FRMPD4: variants seen among roughly 807,000 people sequenced by gnomAD.
FRMPD4 encodes FERM and PDZ domain-containing protein 4.
In FRMPD4, 22 loss-of-function variants were observed where a neutral mutation model predicts 94.1. The observed-to-expected ratio is 0.23, with a 90% CI of 0.17 to 0.33. FRMPD4 has a LOEUF of 0.33. FRMPD4 is among the 10% of genes least tolerant of loss of function. The pLI, the probability that FRMPD4 is intolerant of heterozygous loss-of-function variation, is 1.00. For missense variants in FRMPD4, 1,111 were observed against 1,339.9 expected (o/e 0.83, Z 2.67); for synonymous variants, 631 against 548.6 (o/e 1.15, Z -2.10).
rs188797160 is a variant in FRMPD4, at chrX:12,402,257, C to A, written c.42-96423C>A. On this transcript the variant is annotated intron_variant, in intron 1 of 16. Transcript: ENST00000675598. ...TTATAACCTTCTGCGCCACCCCCCC[C>A]ACAAAAGCAGACAGAGTGATCAGGG... Among the ~76,000 whole-genome samples, 39 of 110,968 alleles carry A rather than the reference C, an allele frequency of 3.5e-4. No homozygotes were observed. The East Asian group carries it at 4.2e-3, about 12-fold the overall frequency.
intron 4 of FRMPD4, among the ~76,000 whole-genome samples, chrX:12,640,767 C>G (rs1213199978): frequency 8.9e-6 from 1 of 112,142 alleles, no homozygotes; most frequent in Admixed American, 9.5e-5. Context: ...CTTTCCCTAC[C>G]CTTTCTAGTT....
chrX:12,184,484 C>T (rs759095982), intron 1 of FRMPD4, among the ~76,000 whole-genome samples: 42 of 111,858 alleles, frequency 3.8e-4, no homozygotes, highest in Non-Finnish European at 6.8e-4. Flanking sequence ...CCACTAAGAA[C>T]GATAAAAAAT....
intron 1 of FRMPD4, among the ~76,000 whole-genome samples, chrX:12,251,911 C>T (rs1292340267): frequency 8.9e-6 from 1 of 112,138 alleles, no homozygotes; most frequent in African/African-American, 3.2e-5. Flanking sequence ...CCACTCTGAG[C>T]TTCATTTTCC....
chrX:12,635,767 G>T (rs755100759), intron 4 of FRMPD4, among the ~76,000 whole-genome samples: 1 of 111,829 alleles, frequency 8.9e-6, no homozygotes, highest in Non-Finnish European at 1.9e-5. Context: ...GGAAACAACT[G>T]CCACTACAGC....
chrX:11,889,769 G>A (rs992475136), intron 3 of FRMPD4, among the ~76,000 whole-genome samples: 11 of 112,446 alleles, frequency 9.8e-5, no homozygotes, highest in Non-Finnish European at 2.1e-4. Context: ...TGGAATGTCC[G>A]AGAGGACTAT....
At chrX:12,207,248 A>G (rs2056703536) in intron 1 of FRMPD4, among the ~76,000 whole-genome samples, 1 of 112,028 alleles carries the variant, frequency 8.9e-6, no homozygotes, top group African/African-American at 3.2e-5. Flanking sequence ...AAAATGCCTC[A>G]CAATTTTTTT....
chrX:12,351,640 A>T (rs2055815028), intron 1 of FRMPD4, among the ~76,000 whole-genome samples: 1 of 112,756 alleles, frequency 8.9e-6, no homozygotes, highest in Non-Finnish European at 1.9e-5. Context: ...AGCTCAAGTG[A>T]AGCCTGTCAT....
intron 1 of FRMPD4, among the ~76,000 whole-genome samples, chrX:12,414,928 A>G (rs1036461285): frequency 3.4e-4 from 38 of 111,848 alleles, no homozygotes; most frequent in Admixed American, 2.7e-3. Flanking sequence ...TGAAAGCTTC[A>G]ATACTAAGTG....
intron 2 of FRMPD4, among the ~76,000 whole-genome samples, chrX:12,544,462 C>T (rs183489104): frequency 9.0e-6 from 1 of 111,310 alleles, no homozygotes; most frequent in Non-Finnish European, 1.9e-5. Context: ...CAGGAAACAT[C>T]GATACAATGT....
intron 3 of FRMPD4, among the ~76,000 whole-genome samples, chrX:12,085,989 A>G (rs2055106198): frequency 1.8e-5 from 2 of 112,366 alleles, no homozygotes; most frequent in African/African-American, 6.5e-5. Context: ...CCTATTATAT[A>G]ATAATGATTG....
At chrX:11,863,821 T>G (rs2053702660) in intron 1 of FRMPD4, among the ~76,000 whole-genome samples, 1 of 112,365 alleles carries the variant, frequency 8.9e-6, no homozygotes, top group Non-Finnish European at 1.9e-5. Context: ...CAATACATTT[T>G]ATCTGGAATT....
At chrX:12,528,319 G>GTTTTTTTTTTTTTTTT (rs62720861) in intron 2 of FRMPD4, among the ~76,000 whole-genome samples, 8 of 73,839 alleles carry the variant, frequency 1.1e-4, no homozygotes, top group Non-Finnish European at 1.7e-4. Context: ...TTTTGTTTTT[G>GTTTTTTTTTTTTTTTT]TTTTTTTTTT....
chrX:12,532,664 A>T (rs2058297409), intron 2 of FRMPD4, among the ~76,000 whole-genome samples: 1 of 112,170 alleles, frequency 8.9e-6, no homozygotes. Flanking sequence ...TTAGTGAAGG[A>T]GTACATCTAT....
At position 12,184,646 on chromosome X, in the gene FRMPD4, A is replaced by G. The variant is rs1244604645; in HGVS notation, c.41+45634A>G. On this transcript the variant is annotated intron_variant, in intron 1 of 16. Transcript: ENST00000675598. Reference sequence around the variant, plus strand: ...ACACAGTGGAGCACTATACAGCCATAAAAAAGAATGAGATCCTGTCATTTG... The same window carrying G: ...ACACAGTGGAGCACTATACAGCCATGAAAAAGAATGAGATCCTGTCATTTG... Among the ~76,000 whole-genome samples the G allele has an allele frequency of 2.7e-5, 3 of 112,377 alleles. No homozygotes were observed. The Admixed American group carries it at 2.8e-4, about 11-fold the overall frequency.
intron 2 of FRMPD4, among the ~76,000 whole-genome samples, chrX:12,508,924 G>A (rs143030684): frequency 5.1e-4 from 52 of 101,282 alleles, no homozygotes; most frequent in African/African-American, 1.8e-3. Flanking sequence ...CCCAGGAGGT[G>A]GAGATTGCAG....
chrX:12,322,699 A>T (rs1371943096), intron 1 of FRMPD4, among the ~76,000 whole-genome samples: 3 of 111,512 alleles, frequency 2.7e-5, no homozygotes, highest in African/African-American at 9.8e-5. Context: ...GCTCCAAACC[A>T]TGTAGTGGGT....
At chrX:12,114,609 A>C (rs1365295351) in intron 3 of FRMPD4, among the ~76,000 whole-genome samples, 1 of 112,391 alleles carries the variant, frequency 8.9e-6, no homozygotes, top group African/African-American at 3.2e-5. Context: ...GCTCATAAGA[A>C]TATATGGCAT....
intron 1 of FRMPD4, among the ~76,000 whole-genome samples, chrX:12,475,074 G>A (rs1022000441): frequency 1.8e-5 from 2 of 111,610 alleles, no homozygotes; most frequent in African/African-American, 6.5e-5. Flanking sequence ...TAAAATACTG[G>A]CAAACTGACT....
chrX:12,441,814 C>T (rs1304937618), intron 1 of FRMPD4, among the ~76,000 whole-genome samples: 1 of 112,095 alleles, frequency 8.9e-6, no homozygotes, highest in African/African-American at 3.2e-5. Flanking sequence ...GAGCCCCTCC[C>T]TCCAAGAAGT....
Sources: gnomAD v4.1 joint callset for allele counts (sites outside exome capture counted in the v4.1 genomes callset) on GRCh38, gnomAD v4.1.1 for gene constraint, MANE v1.5 for transcripts, NCBI Gene and HGNC (gene_info 2026-07-23, HGNC 2026-07-21) for gene names.